PITPNC1: variants seen among roughly 807,000 people sequenced by gnomAD.
The protein encoded by PITPNC1 is phosphatidylinositol transfer protein cytoplasmic 1, also known as cytoplasmic phosphatidylinositol transfer protein 1.
In PITPNC1, 18 loss-of-function variants were observed where a neutral mutation model predicts 44.7. The observed-to-expected ratio is 0.40, with a 90% CI of 0.28 to 0.60. The LOEUF (loss-of-function observed/expected upper bound fraction) is 0.60, where lower values mean the gene tolerates loss of function less well. Among genes scored for constraint, PITPNC1 ranks in the 20% least tolerant of loss-of-function variants. The pLI, the probability that PITPNC1 is intolerant of heterozygous loss-of-function variation, is 0.39. For synonymous variants in PITPNC1, 141 were observed against 149.6 expected, an observed-to-expected ratio of 0.94 and a Z score of 0.42; for missense variants, 290 against 418.4, an observed-to-expected ratio of 0.69 and a Z score of 2.68.
At chr17:67,484,188 G>A (rs1304480125) in intron 1 of PITPNC1, among the ~76,000 whole-genome samples, 1 of 152,036 alleles carries the variant, frequency 6.6e-6, no homozygotes, top group South Asian at 2.1e-4. Flanking sequence ...AAATTACTGG[G>A]ATTACAGGGG....
chr17:67,492,452 C>T (rs2039877476), intron 1 of PITPNC1, among the ~76,000 whole-genome samples: 1 of 152,150 alleles, frequency 6.6e-6, no homozygotes. Context: ...AAAGAGGCAA[C>T]AAACGGGTGG....
chr17:67,563,060 T>C (rs2040926415), intron 4 of PITPNC1, among the ~76,000 whole-genome samples: 1 of 152,232 alleles, frequency 6.6e-6, no homozygotes, highest in Non-Finnish European at 1.5e-5. Flanking sequence ...CTAAACTCTA[T>C]GCCTGCCCTC....
rs2144083036 is a variant in PITPNC1 at position 67,508,056 on chromosome 17, C to CTTCT, written c.49-24745_49-24742dup. Among the ~76,000 whole-genome samples, 1 of 152,270 alleles carries CTTCT rather than the reference C, an allele frequency of 6.6e-6. No individual in the cohort carries two copies. The highest frequency in any genetic ancestry group is 1.5e-5 in the Non-Finnish European group (1 of 68,026). Reference sequence around the variant, plus strand: ...TTTTTTCCAAAGCCTGCTCCTCCTCCTTCTATATTTAATTCCCAAGAGTAA... The same window carrying CTTCT: ...TTTTTTCCAAAGCCTGCTCCTCCTCCTTCTTTCTATATTTAATTCCCAAGAGTAA... On this transcript the variant is annotated intron_variant, in intron 1 of 8. Coordinates refer to ENST00000581322, the MANE Select transcript of PITPNC1 (RefSeq NM_012417.4). This position sits in a 1 kb window ranked among gnomAD's most constrained non-coding sequence, Gnocchi z 4.2.
At chr17:67,417,628 C>T (rs12949338) in intron 1 of PITPNC1, among the ~76,000 whole-genome samples, 12,124 of 152,190 alleles carry the variant, frequency 0.08, 505 homozygotes, top group African/African-American at 0.11. Flanking sequence ...CTCTGCTGTG[C>T]ATCATATTTA....
intron 1 of PITPNC1, among the ~76,000 whole-genome samples, chr17:67,489,192 C>A (rs2039825946): frequency 6.7e-6 from 1 of 148,454 alleles, no homozygotes; most frequent in South Asian, 2.2e-4. Context: ...GGAGAGCCAC[C>A]CTAGGAGTAC....
At chr17:67,619,303 T>C (rs2041800419) in intron 5 of PITPNC1, among the ~76,000 whole-genome samples, 1 of 152,200 alleles carries the variant, frequency 6.6e-6, no homozygotes, top group Admixed American at 6.5e-5. Flanking sequence ...CAAAGAGTTC[T>C]ATCTGGAAGT....
chr17:67,404,214 C>T (rs2038364183), intron 1 of PITPNC1, among the ~76,000 whole-genome samples: 1 of 152,124 alleles, frequency 6.6e-6, no homozygotes, highest in Non-Finnish European at 1.5e-5. Context: ...GAGCATATAT[C>T]TTCAAAACTG....
chr17:67,645,365 G>T (rs1464060056), intron 6 of PITPNC1, among the ~76,000 whole-genome samples: 1 of 147,806 alleles, frequency 6.8e-6, no homozygotes, highest in African/African-American at 2.5e-5. Flanking sequence ...AAAAAAAAGA[G>T]AAAGTGATTT....
intron 1 of PITPNC1, among the ~76,000 whole-genome samples, chr17:67,388,289 G>T (rs1468812323): frequency 6.6e-6 from 1 of 151,468 alleles, no homozygotes; most frequent in Non-Finnish European, 1.5e-5. Context: ...CCCAATTCCC[G>T]GAGGAGTATG....
At chr17:67,440,498 TTTTATTTATTTATTTATTTATTTA>T (rs59003947) in intron 1 of PITPNC1, among the ~76,000 whole-genome samples, 10 of 137,574 alleles carry the variant, frequency 7.3e-5, no homozygotes, top group Non-Finnish European at 1.2e-4. Context: ...TTGCAAGACT[TTTTATTTATTTATTTATTTATTTA>T]TTTATTTATT....
chr17:67,641,756 C>T (rs2537843), intron 6 of PITPNC1, among the ~76,000 whole-genome samples: 12,604 of 149,580 alleles, frequency 0.084, 922 homozygotes, highest in African/African-American at 0.2. Flanking sequence ...GCTGAGATCC[C>T]GGGCAGCAGA....
At chr17:67,631,578 G>A (rs1484781704) in intron 5 of PITPNC1, among the ~76,000 whole-genome samples, 2 of 112,234 alleles carry the variant, frequency 1.8e-5, no homozygotes, top group African/African-American at 3.3e-5. Context: ...GCAGTGAGCC[G>A]GGATAGCGCC....
intron 1 of PITPNC1, among the ~76,000 whole-genome samples, chr17:67,502,772 T>TGTATC: frequency 6.6e-6 from 1 of 151,442 alleles, no homozygotes; most frequent in African/African-American, 2.4e-5. Flanking sequence ...TGTATTGTAT[T>TGTATC]GTATTGTATT....
At chr17:67,561,131 G>A (rs1349770779) in intron 4 of PITPNC1, among the ~76,000 whole-genome samples, 1 of 152,166 alleles carries the variant, frequency 6.6e-6, no homozygotes, top group African/African-American at 2.4e-5. Flanking sequence ...ATGACTATGG[G>A]TATACCAACA....
At chr17:67,404,164 A>C (rs1056417169) in intron 1 of PITPNC1, among the ~76,000 whole-genome samples, 31 of 152,216 alleles carry the variant, frequency 2.0e-4, no homozygotes, top group South Asian at 2.1e-4. Flanking sequence ...TAAAATGGGG[A>C]TATGTTCCTC....
At chr17:67,431,684 A>G (rs1183503468) in intron 1 of PITPNC1, among the ~76,000 whole-genome samples, 1 of 152,174 alleles carries the variant, frequency 6.6e-6, no homozygotes, top group Non-Finnish European at 1.5e-5. Flanking sequence ...GTGGCCTTGA[A>G]TACTAATATA....
chr17:67,382,031 C>A (rs2037968935), intron 1 of PITPNC1, among the ~76,000 whole-genome samples: 1 of 152,166 alleles, frequency 6.6e-6, no homozygotes, highest in Admixed American at 6.5e-5. Context: ...AGTTAATAGC[C>A]AAGCCAGAAG....
At chr17:67,525,217 G>A (rs2040377626) in intron 1 of PITPNC1, 1 of 152,194 alleles carries the variant, frequency 6.6e-6, no homozygotes, top group African/African-American at 2.4e-5. Context: ...GTCCTGGGCA[G>A]AACAGATCTA....
At chr17:67,559,149 G>A (rs998989886) in intron 4 of PITPNC1, among the ~76,000 whole-genome samples, 3 of 152,254 alleles carry the variant, frequency 2.0e-5, no homozygotes, top group Non-Finnish European at 1.5e-5. Context: ...CCCAAGCCCC[G>A]TCTCCTTTCT....
Sources: allele counts gnomAD v4.1 joint callset (sites outside exome capture counted in the v4.1 genomes callset), GRCh38; gene constraint gnomAD v4.1.1; non-coding constraint Gnocchi (gnomAD v3.1); transcripts MANE v1.5; gene names NCBI Gene and HGNC (gene_info 2026-07-23, HGNC 2026-07-21).